SKA2: variants seen among roughly 807,000 people sequenced by gnomAD.
The protein encoded by SKA2 is spindle and kinetochore-associated protein 2.
SKA2 carries 13 observed loss-of-function variants against 16.9 expected under a neutral mutation model. The ratio of observed to expected loss-of-function variants is 0.77; its 90% confidence interval spans 0.50 to 1.22. The LOEUF is 1.22. SKA2 is among the 50% of genes most tolerant of loss of function. The probability of loss-of-function intolerance (pLI) is 0.00; values close to 1 mark genes in which losing one functional copy is unlikely to be tolerated. For synonymous variants in SKA2, 47 were observed against 48.5 expected (o/e 0.97, Z 0.13); for missense variants, 107 against 139.7 (o/e 0.77, Z 1.18).
intron 2 of SKA2, among the ~76,000 whole-genome samples, chr17:59,128,173 C>G (rs928687928): frequency 1.3e-5 from 2 of 151,518 alleles, no homozygotes; most frequent in Admixed American, 6.6e-5. Flanking sequence ...TGAGATTGCA[C>G]CACTGCACTC....
Position 59,114,063 on chromosome 17 carries a change from C to T in SKA2, c.298-1718G>A, listed in dbSNP as rs192775857. Among the ~76,000 whole-genome samples the T allele has an allele frequency of 4.9e-3, 747 of 152,294 alleles. 2 individuals carry two copies. Among genetic ancestry groups the T allele is most frequent in the Non-Finnish European group, 6.6e-3 (448 of 68,026 alleles). ...TCCAGAAGAAGAAAAGAAGCTTTCT[C>T]TTCTCAGGGTTCTCTCAGCAGTGAG... is the stretch of plus-strand genomic sequence containing the variant. On this transcript the variant is annotated intron_variant, in intron 3 of 3. Transcript: ENST00000330137.
chr17:59,143,742 G>A (rs1472458649), intron 1 of SKA2, among the ~76,000 whole-genome samples: 2 of 152,130 alleles, frequency 1.3e-5, no homozygotes, highest in Non-Finnish European at 2.9e-5. Context: ...CAAATGCTGC[G>A]ATTATAGGCG....
chr17:59,128,747 G>A (rs935968683), intron 2 of SKA2, among the ~76,000 whole-genome samples: 6 of 152,040 alleles, frequency 3.9e-5, no homozygotes, highest in Admixed American at 3.3e-4. Context: ...AAGTAGATTC[G>A]TCTTTGGGAG....
chr17:59,127,242 G>T (rs1434343170), intron 2 of SKA2, among the ~76,000 whole-genome samples: 1 of 152,166 alleles, frequency 6.6e-6, no homozygotes, highest in Non-Finnish European at 1.5e-5. Flanking sequence ...ACTTAAAAAA[G>T]ATTAAGATGG....
At chr17:59,134,839 CATTT>C (rs1400180141) in intron 1 of SKA2, among the ~76,000 whole-genome samples, 1 of 151,746 alleles carries the variant, frequency 6.6e-6, no homozygotes, top group East Asian at 1.9e-4. Context: ...ATATTTTTGT[CATTT>C]ATTTTTTTTG....
At chr17:59,145,956 C>T in intron 1 of SKA2, among the ~76,000 whole-genome samples, 1 of 151,230 alleles carries the variant, frequency 6.6e-6, no homozygotes, top group East Asian at 1.9e-4. Flanking sequence ...AGCCACTGCA[C>T]ACCAGCCTGG....
intron 3 of SKA2, among the ~76,000 whole-genome samples, chr17:59,113,927 A>G (rs961414998): frequency 1.3e-5 from 2 of 152,182 alleles, no homozygotes; most frequent in Admixed American, 1.3e-4. Context: ...TGAACAATGT[A>G]AGGACTCCAT....
rs147134623 is a variant in SKA2, at chr17:59,132,182, C to G, written c.34-815G>C. On this transcript the variant is annotated intron_variant, in intron 1 of 3. Coordinates refer to ENST00000330137, the MANE Select transcript of SKA2 (RefSeq NM_182620.4). ...ACCAGCCTGGCTAACATGGTGAAAC[C>G]TCATCTCTACCAAAAATACAAAAAT... Among the ~76,000 whole-genome samples the G allele has an allele frequency of 3.9e-3, 596 of 152,000 alleles. 2 individuals carry two copies. The highest frequency in any genetic ancestry group is 0.013 in the African/African-American group (552 of 41,476).
chr17:59,121,485 T>A (rs1162578556), intron 2 of SKA2, among the ~76,000 whole-genome samples: 1 of 150,156 alleles, frequency 6.7e-6, no homozygotes, highest in Non-Finnish European at 1.5e-5. Context: ...CGAAACCCCG[T>A]CTCTACTAAA....
At chr17:59,131,149 G>T in intron 2 of SKA2, 132 bp downstream of exon 2, 2 of 607,502 alleles carry the variant, frequency 3.3e-6, no homozygotes, top group South Asian at 3.4e-5. Flanking sequence ...CCAACACAAT[G>T]CAAGATTTTA....
intron 1 of SKA2, 72 bp downstream of exon 1, chr17:59,155,059 A>G: frequency 1.2e-6 from 2 of 1,613,884 alleles, no homozygotes; most frequent in Non-Finnish European, 1.7e-6. Context: ...GGCGACTCCA[A>G]ATTGTGCCCC....
At chr17:59,136,709 C>A (rs1446184720) in intron 1 of SKA2, among the ~76,000 whole-genome samples, 1 of 151,852 alleles carries the variant, frequency 6.6e-6, no homozygotes, top group African/African-American at 2.4e-5. Context: ...CCACCATACC[C>A]AGCTAAGTTT....
At chr17:59,134,551 G>T (rs1040469103) in intron 1 of SKA2, among the ~76,000 whole-genome samples, 2 of 151,492 alleles carry the variant, frequency 1.3e-5, no homozygotes, top group Non-Finnish European at 2.9e-5. Context: ...TCCTTGAATG[G>T]TAACTTTCCT....
intron 1 of SKA2, among the ~76,000 whole-genome samples, chr17:59,136,541 G>T (rs1396794327): frequency 6.6e-6 from 1 of 151,356 alleles, no homozygotes; most frequent in Non-Finnish European, 1.5e-5. Flanking sequence ...TTGAAAGATA[G>T]AAAAATAAGC....
intron 1 of SKA2, among the ~76,000 whole-genome samples, chr17:59,140,432 T>C (rs1175123608): frequency 2.0e-5 from 3 of 151,980 alleles, no homozygotes; most frequent in African/African-American, 7.2e-5. Context: ...TTTCACCATG[T>C]TGGCCAGGCT....
chr17:59,149,391 TC>T (rs2046559718), intron 1 of SKA2, among the ~76,000 whole-genome samples: 3 of 152,018 alleles, frequency 2.0e-5, no homozygotes, highest in Non-Finnish European at 4.4e-5. Context: ...CACCTGTAGT[TC>T]CAGCTACTCA....
In SKA2 at chr17:59,128,435, G is replaced by A. The variant is rs111547800; in HGVS notation, c.120+2846C>T. Reference sequence around the variant, plus strand: ...ACGTCAGGAGTTCAAGACCAGCCTGGCCAACATGGCAAAACCCTGTCTCTA... The same window carrying A: ...ACGTCAGGAGTTCAAGACCAGCCTGACCAACATGGCAAAACCCTGTCTCTA... On this transcript the variant is annotated intron_variant, in intron 2 of 3. Coordinates refer to ENST00000330137, the MANE Select transcript of SKA2 (RefSeq NM_182620.4). Among the ~76,000 whole-genome samples, 1,106 of 152,024 alleles carry A rather than the reference G, an allele frequency of 7.3e-3. 6 individuals carry two copies. The highest frequency in any genetic ancestry group is 0.014 in the Middle Eastern group (4 of 294).
At chr17:59,112,467 C>T in intron 3 of SKA2, 122 bp from the exon 4 acceptor site, 1 of 677,152 alleles carries the variant, frequency 1.5e-6, no homozygotes, top group Non-Finnish European at 2.4e-6. Context: ...TATGTAATCA[C>T]AGATTTAGAA....
rs145941007 is a variant in SKA2, at chr17:59,115,511, A to G, written c.298-3166T>C. Among the ~76,000 whole-genome samples, 147 of 152,300 alleles carry G rather than the reference A, an allele frequency of 9.7e-4. 3 individuals are homozygous for G. The highest frequency in any genetic ancestry group is 3.2e-3 in the African/African-American group (133 of 41,566). ...CAAGGATAAACTGAAAAACAATCATACGTCTTACTACAACCCAGTTACAGG... is the reference window on the plus strand; with the variant it reads ...CAAGGATAAACTGAAAAACAATCATGCGTCTTACTACAACCCAGTTACAGG... On this transcript the variant is annotated intron_variant, in intron 3 of 3. Transcript: ENST00000330137.
Sources: allele counts gnomAD v4.1 joint callset (sites outside exome capture counted in the v4.1 genomes callset), GRCh38; gene constraint gnomAD v4.1.1; transcripts MANE v1.5; gene names NCBI Gene and HGNC (gene_info 2026-07-23, HGNC 2026-07-21).